SPOCK3: variants seen among roughly 807,000 people sequenced by gnomAD.
SPOCK3 encodes the protein testican-3.
In SPOCK3, 30 loss-of-function variants were observed where a neutral mutation model predicts 56.6. That is an observed-to-expected ratio of 0.53 (90% CI 0.40 to 0.72). SPOCK3 has a LOEUF of 0.72. SPOCK3 is among the 30% of genes least tolerant of loss of function. SPOCK3 has a pLI of 0.00. For synonymous variants in SPOCK3, 196 were observed against 183.3 expected (o/e 1.07, Z -0.56); for missense variants, 527 against 530.0 (o/e 0.99, Z 0.06).
chr4:166,774,633 C>T (rs1739324176), intron 7 of SPOCK3, among the ~76,000 whole-genome samples: 1 of 152,164 alleles, frequency 6.6e-6, no homozygotes, highest in African/African-American at 2.4e-5. Context: ...AGCAACTTTC[C>T]TTTGACAACA....
chr4:166,923,788 C>G (rs1241732052), intron 4 of SPOCK3, among the ~76,000 whole-genome samples: 1 of 152,142 alleles, frequency 6.6e-6, no homozygotes, highest in Non-Finnish European at 1.5e-5. Context: ...AATTTCAGCA[C>G]AGTTTGTACT....
At chr4:167,067,863 A>G (rs993284919) in intron 2 of SPOCK3, among the ~76,000 whole-genome samples, 1 of 151,816 alleles carries the variant, frequency 6.6e-6, no homozygotes. Context: ...CAGGGTCCCA[A>G]TTGATGTTAC....
At chr4:166,825,001 G>A (rs1187999248) in intron 6 of SPOCK3, among the ~76,000 whole-genome samples, 1 of 152,012 alleles carries the variant, frequency 6.6e-6, no homozygotes, top group African/African-American at 2.4e-5. Context: ...TTAATTAGAT[G>A]GAACTGTGGA....
At chr4:166,907,454 T>C (rs920625713) in intron 5 of SPOCK3, among the ~76,000 whole-genome samples, 1 of 152,098 alleles carries the variant, frequency 6.6e-6, no homozygotes, top group Non-Finnish European at 1.5e-5. Flanking sequence ...TGAGTTCTTT[T>C]CCTACCTGTG....
chr4:167,093,002 A>T (rs927609548), intron 2 of SPOCK3, among the ~76,000 whole-genome samples: 1 of 152,194 alleles, frequency 6.6e-6, no homozygotes, highest in African/African-American at 2.4e-5. Context: ...TATAATGAAA[A>T]TGATAGAGAA....
At chr4:166,999,685 G>C (rs1260556084) in intron 4 of SPOCK3, among the ~76,000 whole-genome samples, 1 of 152,164 alleles carries the variant, frequency 6.6e-6, no homozygotes, top group Non-Finnish European at 1.5e-5. Context: ...ATGTTTGATT[G>C]TGGCGCGTTC....
chr4:166,950,161 A>C (rs1247995933), intron 4 of SPOCK3, among the ~76,000 whole-genome samples: 1 of 151,732 alleles, frequency 6.6e-6, no homozygotes, highest in African/African-American at 2.4e-5. Context: ...AAGAGTCAAG[A>C]CCCATCAGTG....
At chr4:166,909,670 T>C (rs1369676031) in intron 5 of SPOCK3, among the ~76,000 whole-genome samples, 1 of 152,084 alleles carries the variant, frequency 6.6e-6, no homozygotes, top group Non-Finnish European at 1.5e-5. Context: ...ATCTTTAACA[T>C]ATCAGGACTA....
intron 2 of SPOCK3, among the ~76,000 whole-genome samples, chr4:167,216,125 G>A (rs1735329367): frequency 6.6e-6 from 1 of 152,046 alleles, no homozygotes; most frequent in South Asian, 2.1e-4. Flanking sequence ...CACCCTCCAA[G>A]TATATGTTAC....
At chr4:166,925,676 A>AG (rs1554002811) in intron 4 of SPOCK3, among the ~76,000 whole-genome samples, 2 of 150,166 alleles carry the variant, frequency 1.3e-5, no homozygotes, top group South Asian at 4.2e-4. Flanking sequence ...TCCAAGGTAA[A>AG]TTTTTTTTTT....
intron 6 of SPOCK3, among the ~76,000 whole-genome samples, chr4:166,795,372 T>C (rs1425865345): frequency 2.0e-5 from 3 of 152,176 alleles, no homozygotes; most frequent in Non-Finnish European, 2.9e-5. Context: ...TCATGTGTAA[T>C]GAGAATTGAT....
chr4:167,155,410 G>A (rs140866033), intron 2 of SPOCK3, among the ~76,000 whole-genome samples: 7 of 152,162 alleles, frequency 4.6e-5, no homozygotes, highest in African/African-American at 1.4e-4. Flanking sequence ...AAACCACCAC[G>A]CCCAGCATAT....
At chr4:166,739,674 G>A (rs1476419371) in intron 9 of SPOCK3, among the ~76,000 whole-genome samples, 1 of 148,850 alleles carries the variant, frequency 6.7e-6, no homozygotes, top group African/African-American at 2.5e-5. Context: ...TAAGTTCCAG[G>A]AGATAAGAAT....
intron 10 of SPOCK3, among the ~76,000 whole-genome samples, chr4:166,735,820 G>C (rs1425309832): frequency 2.0e-5 from 3 of 152,174 alleles, no homozygotes; most frequent in East Asian, 3.9e-4. Flanking sequence ...AGTGAGACCT[G>C]TGTTGATCTT....
At chr4:167,177,059 C>CA (rs1203635302) in intron 2 of SPOCK3, among the ~76,000 whole-genome samples, 3 of 152,054 alleles carry the variant, frequency 2.0e-5, no homozygotes, top group Non-Finnish European at 4.4e-5. Context: ...TAACCTCTAC[C>CA]AAATAGGTGA....
chr4:166,877,958 A>G (rs1490090569), intron 6 of SPOCK3, among the ~76,000 whole-genome samples: 1 of 152,132 alleles, frequency 6.6e-6, no homozygotes, highest in African/African-American at 2.4e-5. Flanking sequence ...CACCTTGGAA[A>G]TATGAAAAAT....
intron 2 of SPOCK3, among the ~76,000 whole-genome samples, chr4:167,085,525 G>A (rs1758114392): frequency 6.6e-6 from 1 of 152,100 alleles, no homozygotes; most frequent in Admixed American, 6.6e-5. Context: ...TCCTTTCAAT[G>A]GGAGGTAATT....
chr4:166,795,982 T>C (rs560389668), intron 6 of SPOCK3, among the ~76,000 whole-genome samples: 1 of 152,144 alleles, frequency 6.6e-6, no homozygotes, highest in South Asian at 2.1e-4. Flanking sequence ...GGCTTCACGA[T>C]TGGCATTAGT....
Position 166,755,982 on chromosome 4 carries a change from C to A in SPOCK3, c.710-1253G>T, listed in dbSNP as rs1245895286. ...GCATTTCCATCTGAGGTACCGGGTT[C>A]ATCTCACTAGGGAGTGCCAGACAGT... On this transcript the variant is annotated intron_variant, in intron 7 of 10. Coordinates refer to ENST00000357545, the MANE Select transcript of SPOCK3 (RefSeq NM_001040159.2). 4.8e-4 allele frequency among the ~76,000 whole-genome samples: 4 copies of A among 8,360 alleles called. 2 individuals carry two copies. Among genetic ancestry groups the A allele is most frequent in the Non-Finnish European group, 1.5e-3 (4 of 2,738 alleles). The allele number at this position is 8,360 out of a possible 152,430, so 5.5% of individuals were successfully genotyped here.
Sources: gnomAD v4.1 joint callset for allele counts (sites outside exome capture counted in the v4.1 genomes callset) on GRCh38, gnomAD v4.1.1 for gene constraint, MANE v1.5 for transcripts, NCBI Gene and HGNC (gene_info 2026-07-23, HGNC 2026-07-21) for gene names.